The following PROSER1 variants were observed in gnomAD, a reference collection of about 807,000 sequenced individuals.
PROSER1 encodes proline and serine-rich protein 1.
Under a neutral mutation model 71.8 loss-of-function variants are expected in PROSER1, and 36 were observed. The ratio of observed to expected loss-of-function variants is 0.50; its 90% CI spans 0.38 to 0.66. The LOEUF (loss-of-function observed/expected upper bound fraction) is 0.66. PROSER1 is among the 30% of genes least tolerant of loss of function. PROSER1 has a pLI of 0.00. For synonymous variants in PROSER1, 490 were observed against 452.4 expected (o/e 1.08, Z -1.06); for missense variants, 1,107 against 1,135.0 (o/e 0.98, Z 0.35).
At chr13:39,028,472 A>G (rs1870653540) in intron 4 of PROSER1, 152 bp from the exon 5 acceptor site, 1 of 462,040 alleles carries the variant, frequency 2.2e-6, no homozygotes, top group African/African-American at 2.0e-5. Flanking sequence ...CTCAATTTAA[A>G]TAACATGTTT....
At chr13:39,037,072 G>C in intron 1 of PROSER1, 126 bp downstream of exon 1, 1 of 706,996 alleles carries the variant, frequency 1.4e-6, no homozygotes, top group Non-Finnish European at 2.5e-6. Context: ...CATTACACGT[G>C]AAAATTCAAA....
chr13:39,033,758 T>C (rs1870968219), intron 2 of PROSER1, among the ~76,000 whole-genome samples: 1 of 152,254 alleles, frequency 6.6e-6, no homozygotes, highest in African/African-American at 2.4e-5. Flanking sequence ...TTTCATTATT[T>C]GTTCACATTT....
intron 7 of PROSER1, chr13:39,023,481 T>C (rs1224637930): frequency 1.1e-5 from 2 of 175,784 alleles, no homozygotes; most frequent in African/African-American, 2.4e-5. Flanking sequence ...ACAAGAAACC[T>C]TCTAGGTTTT....
chr13:39,024,892 T>C (rs1333369941), intron 6 of PROSER1, among the ~76,000 whole-genome samples: 2 of 152,194 alleles, frequency 1.3e-5, no homozygotes, highest in Non-Finnish European at 2.9e-5. Context: ...AAGTCTCTTA[T>C]ATAAAACAGC....
intron 9 of PROSER1, among the ~76,000 whole-genome samples, chr13:39,021,361 T>C (rs763921740): frequency 1.3e-5 from 2 of 152,138 alleles, no homozygotes; most frequent in East Asian, 3.8e-4. Context: ...AGATTCTTAA[T>C]AAAAGTTTAG....
At position 39,012,085 on chromosome 13, in the gene PROSER1, G is replaced by A; in HGVS notation, c.2710C>T (p.Gln904Ter). Residue 904 changes from glutamine (Q) to a stop codon, truncating the protein, a stop_gained and splice_region_variant, in exon 12 of 13, where the codon CAG (glutamine) becomes TAG (stop). Transcript: ENST00000352251. LOFTEE classifies it high-confidence loss of function. ...TTATGCCAGCCATTGCTGCTTACCTGCTGTAACAATGCTGACTGCGCAGCC... is the reference window on the plus strand; with the variant it reads ...TTATGCCAGCCATTGCTGCTTACCTACTGTAACAATGCTGACTGCGCAGCC... ...NAAAQSALLQ[Q>*]VHSASALESY... 1.9e-6 allele frequency: 3 copies of A among 1,612,900 alleles called. No individual in the cohort carries two copies. Among genetic ancestry groups the A allele is most frequent in the Non-Finnish European group, 2.5e-6 (3 of 1,179,508 alleles).
intron 5 of PROSER1, among the ~76,000 whole-genome samples, chr13:39,026,825 A>G (rs1011807893): frequency 6.6e-6 from 1 of 152,186 alleles, no homozygotes; most frequent in Non-Finnish European, 1.5e-5. Context: ...AACAAGTAAC[A>G]TGACATTGGG....
chr13:39,012,394 T>G, intron 11 of PROSER1, 161 bp from the exon 12 acceptor site: 2 of 760,898 alleles, frequency 2.6e-6, no homozygotes, highest in South Asian at 3.5e-5. Context: ...TTCCCTGATA[T>G]GAATCTTTCT....
chr13:39,037,063 A>C, intron 1 of PROSER1, 135 bp downstream of exon 1: 1 of 671,076 alleles, frequency 1.5e-6, no homozygotes, highest in Non-Finnish European at 2.7e-6. Context: ...AAACTCCTCC[A>C]TTACACGTGA....
At chr13:39,028,393 CCACA>C (rs1211690796) in intron 4 of PROSER1, 73 bp from the exon 5 acceptor site, 4 of 783,272 alleles carry the variant, frequency 5.1e-6, no homozygotes, top group Non-Finnish European at 8.7e-6. Flanking sequence ...CCTTTGTTTA[CCACA>C]CAAACATCTG....
chr13:39,018,489 C>CACACACAA (rs1486330401), intron 9 of PROSER1, among the ~76,000 whole-genome samples: 9 of 143,964 alleles, frequency 6.3e-5, no homozygotes, highest in African/African-American at 2.3e-4. Flanking sequence ...CACACACACA[C>CACACACAA]ACACACACAC....
In PROSER1 at chr13:39,031,647, T is replaced by G; in HGVS notation, c.112-16A>C. On this transcript the variant is annotated splice_polypyrimidine_tract_variant and intron_variant, in intron 2 of 12. Transcript: ENST00000352251. ...AATCAACCACCTGAAAACAAAGAAC[T>G]AACAGCTCTAATGACAGCATGTTTG... is the stretch of plus-strand genomic sequence containing the variant. 6.2e-7 allele frequency: 1 copy of G among 1,605,580 alleles called. No homozygotes were observed. Among genetic ancestry groups the G allele is most frequent in the Non-Finnish European group, 8.5e-7 (1 of 1,174,282 alleles).
At chr13:39,036,806 T>G (rs1192243121) in intron 1 of PROSER1, among the ~76,000 whole-genome samples, 2 of 152,174 alleles carry the variant, frequency 1.3e-5, no homozygotes, top group Non-Finnish European at 2.9e-5. Context: ...TCATAATAAC[T>G]ACCATAAAAG....
At position 39,013,942 on chromosome 13, in the gene PROSER1, G is replaced by A. The variant is rs369951334; in HGVS notation, c.1310C>T (p.Pro437Leu). 29 of 1,614,020 alleles carry A rather than the reference G, an allele frequency of 1.8e-5. No individual in the cohort carries two copies. The African/African-American group carries it at 3.5e-4, about 19-fold the overall frequency. ...GTTGGATAGGCCTTGGGATGTTGGT[G>A]GTAAGGGCAAAGGGAGCCCTGCAAA... ...SVFAGLPLPLPPTSQGLSNPT... is the reference protein window; with the variant it reads ...SVFAGLPLPLLPTSQGLSNPT... The change falls in exon 11 of 13, where the codon CCA (proline) becomes CTA (leucine). Residue 437 changes from proline to leucine, a missense_variant. Coordinates refer to ENST00000352251, the MANE Select transcript of PROSER1 (RefSeq NM_025138.5).
Position 39,032,179 on chromosome 13 carries a change from TC to T in PROSER1, c.112-549del, listed in dbSNP as rs1870877148. Among the ~76,000 whole-genome samples the T allele has an allele frequency of 2.0e-5, 3 of 151,936 alleles. No individual in the cohort carries two copies. The East Asian group carries it at 5.8e-4, about 30-fold the overall frequency. ...GTCCACTAACTTTAGTCCTAGTAGG[TC>T]CTTTAACTTGAATCTGGAGGGCATA... On this transcript the variant is annotated intron_variant, in intron 2 of 12. Coordinates refer to ENST00000352251, the MANE Select transcript of PROSER1 (RefSeq NM_025138.5).
chr13:39,037,453 A>G lies in PROSER1; in HGVS notation c.-211T>C. 2 of 560,850 alleles carry G rather than the reference A, an allele frequency of 3.6e-6. No homozygotes were observed. Among genetic ancestry groups the G allele is most frequent in the South Asian group, 4.6e-5 (2 of 43,264 alleles). 34.7% of individuals were successfully genotyped at this position (560,850 alleles called of 1,614,324 possible). A position where few individuals can be genotyped will look rare whatever the true frequency, so the allele number is the denominator to read the frequency against. On this transcript the variant is annotated 5_prime_UTR_variant, in exon 1 of 13. Coordinates refer to ENST00000352251, the MANE Select transcript of PROSER1 (RefSeq NM_025138.5). ...GATTCAGAAAAACTCTTTTTATTAA[A>G]AAGAAAAAACACTCCAGTCAGGCTT...
chr13:39,026,210 T>C (rs1332905413), intron 6 of PROSER1, 67 bp downstream of exon 6: 7 of 1,000,124 alleles, frequency 7.0e-6, no homozygotes, highest in African/African-American at 6.5e-5. Context: ...TTAAATATCA[T>C]TAACTTATTC....
intron 9 of PROSER1, among the ~76,000 whole-genome samples, chr13:39,020,607 A>AT (rs1367304417): frequency 6.6e-6 from 1 of 152,216 alleles, no homozygotes; most frequent in Admixed American, 6.5e-5. Flanking sequence ...ACTGATATAA[A>AT]TAAAAATTAA....
rs1423647125 is a variant in PROSER1 at position 39,013,238 on chromosome 13, C to A, written c.2014G>T (p.Gly672Cys). 1.9e-6 allele frequency: 3 copies of A among 1,614,044 alleles called. No homozygotes were observed. The highest frequency in any genetic ancestry group is 2.5e-6 in the Non-Finnish European group (3 of 1,179,996). Residue 672 changes from glycine to cysteine, a missense_variant, in exon 11 of 13, where the codon GGT becomes TGT. Transcript: ENST00000352251. ...GLSSLSTPLN[G>C]SNPLSSISLP... ...GAAATAGAGGAAAGAGGATTTGAACCATTTAAAGGAGTACTCAAGCTGGAG... is the reference window on the plus strand; with the variant it reads ...GAAATAGAGGAAAGAGGATTTGAACAATTTAAAGGAGTACTCAAGCTGGAG...
Sources: allele counts gnomAD v4.1 joint callset (sites outside exome capture counted in the v4.1 genomes callset), GRCh38; gene constraint gnomAD v4.1.1; transcripts MANE v1.5; gene names NCBI Gene and HGNC (gene_info 2026-07-23, HGNC 2026-07-21).